Variants in BDP1 observed in about 807,000 individuals in gnomAD.
The protein encoded by BDP1 is transcription factor TFIIIB component B'' homolog.
Under a neutral mutation model 266.6 loss-of-function variants are expected in BDP1, and 169 were observed. That is an observed-to-expected ratio of 0.63 (90% CI 0.56 to 0.72). The LOEUF is 0.72. BDP1 is among the 30% of genes least tolerant of loss of function. The probability of loss-of-function intolerance (pLI) is 0.00; values close to 1 mark genes in which losing one functional copy is unlikely to be tolerated. For missense variants in BDP1, 3,015 were observed against 3,053.8 expected, an observed-to-expected ratio of 0.99 and a Z score of 0.30; for synonymous variants, 1,090 against 1,022.4, an observed-to-expected ratio of 1.07 and a Z score of -1.26.
intron 37 of BDP1, among the ~76,000 whole-genome samples, chr5:71,561,856 G>A (rs1282773736): frequency 6.6e-6 from 1 of 152,198 alleles, no homozygotes; most frequent in African/African-American, 2.4e-5. Context: ...ATGTTCTAGA[G>A]ACCGGGGTCC....
At position 71,457,708 on chromosome 5, in the gene BDP1, T is replaced by C. The variant is rs1230879575; in HGVS notation, c.213-871T>C. Among the ~76,000 whole-genome samples, 3 of 152,224 alleles carry C rather than the reference T, an allele frequency of 2.0e-5. No homozygotes were observed. The East Asian group carries it at 5.8e-4, about 29-fold the overall frequency. On this transcript the variant is annotated intron_variant, in intron 1 of 38. Coordinates refer to ENST00000358731, the MANE Select transcript of BDP1 (RefSeq NM_018429.3). ...TCAACATAATTGGGTGAAATGCAGA[T>C]AATGCATGTATCCATAACAGCTAAG...
chr5:71,524,386 TA>T (rs2150511996), intron 25 of BDP1, 63 bp downstream of exon 25: 1 of 1,429,522 alleles, frequency 7.0e-7, no homozygotes, highest in Admixed American at 2.2e-5. Flanking sequence ...TTGTTTCTTT[TA>T]GGGGATCATT....
Position 71,545,049 on chromosome 5 carries a change from C to G in BDP1, c.6574C>G (p.Gln2192Glu). The G allele has an allele frequency of 6.2e-7, 1 of 1,612,662 alleles. No individual in the cohort carries two copies. Among genetic ancestry groups the G allele is most frequent in the Non-Finnish European group, 8.5e-7 (1 of 1,179,674 alleles). The change falls in exon 32 of 39, where the codon CAA (glutamine) becomes GAA (glutamate). Residue 2192 changes from glutamine (Q) to glutamate (E), a missense_variant. By Grantham distance (29) the Gln-to-Glu change is conservative. Coordinates refer to ENST00000358731, the MANE Select transcript of BDP1 (RefSeq NM_018429.3). ...EVNLTERNEN[Q>E]EESSQEVHML... ...TAAACTCTCTTTCAGAAACGAAAAT[C>G]AAGAAGAGAGCTCTCAGGAGGTTCA...
chr5:71,514,558 T>G (rs1217584301), intron 19 of BDP1, among the ~76,000 whole-genome samples: 4 of 152,208 alleles, frequency 2.6e-5, no homozygotes, highest in Admixed American at 2.0e-4. Flanking sequence ...ATTTTTCCAC[T>G]TACAGTATTG....
chr5:71,571,252 C>G (rs1268949051), downstream of BDP1, among the ~76,000 whole-genome samples: 1 of 152,182 alleles, frequency 6.6e-6, no homozygotes, highest in Non-Finnish European at 1.5e-5. Context: ...TCAAGGGATC[C>G]TCCCGCCTTT....
intron 7 of BDP1, among the ~76,000 whole-genome samples, chr5:71,483,508 G>A (rs977302156): frequency 1.3e-5 from 2 of 152,144 alleles, no homozygotes; most frequent in Non-Finnish European, 2.9e-5. Context: ...AACCTGTTAC[G>A]AATACTTAAT....
Position 71,470,478 on chromosome 5 carries a change from A to G in BDP1, c.1003A>G (p.Ile335Val), listed in dbSNP as rs1487122673. ...ACAACTTTTTCCTCACAGAGCAAGG[A>G]TAGAAATTAAGGTAAAGTAAACCCA... ...IGQLFPHRAR[I>V]EIKNKFKREE... Residue 335 changes from isoleucine to valine, a missense_variant, in exon 7 of 39, where the codon ATA becomes GTA. Physicochemically the swap from Ile to Val is conservative, Grantham distance 29. Transcript: ENST00000358731. The G allele has an allele frequency of 6.2e-7, 1 of 1,607,878 alleles. No individual in the cohort carries two copies.
the BDP1 span, among the ~76,000 whole-genome samples, chr5:71,575,042 C>G: frequency 3.9e-5 from 6 of 152,176 alleles, no homozygotes; most frequent in African/African-American, 1.4e-4. Context: ...TGAGATTTTA[C>G]CTTGTCTTGG....
chr5:71,456,182 C>G, intron 1 of BDP1, 93 bp downstream of exon 1: 1 of 1,251,492 alleles, frequency 8.0e-7, no homozygotes, highest in East Asian at 2.5e-5. Flanking sequence ...CACAGGAGTC[C>G]GCTCTCGTTT....
In BDP1 at chr5:71,455,658, A is replaced by C. The variant is rs1761116537; in HGVS notation, c.-220A>C. 1.7e-6 allele frequency: 1 copy of C among 582,270 alleles called. No individual in the cohort carries two copies. The highest frequency in any genetic ancestry group is 3.1e-6 in the Non-Finnish European group (1 of 327,450). The allele number at this position is 582,270 out of a possible 1,614,324, so 36.1% of individuals were successfully genotyped here. A position where few individuals can be genotyped will look rare whatever the true frequency, so the allele number is the denominator to read the frequency against. On this transcript the variant is annotated 5_prime_UTR_variant, in exon 1 of 39. Coordinates refer to ENST00000358731, the MANE Select transcript of BDP1 (RefSeq NM_018429.3). The stretch of plus-strand genomic sequence containing the variant: ...GCGCGGGGATGCTGGGAGGAGGGTG[A>C]AATTTAGCCATCGGTGTGTGGCAGG...
chr5:71,461,958 C>CTTT lies in BDP1; in HGVS notation c.599+51_599+53dup, dbSNP rs370261571. The CTTT allele has an allele frequency of 0.013, 5,554 of 439,208 alleles. 9 individuals carry two copies. Among genetic ancestry groups the CTTT allele is most frequent in the Middle Eastern group, 0.02 (25 of 1,256 alleles). The allele number at this position is 439,208 out of a possible 1,614,324, so 27.2% of individuals were successfully genotyped here. On this transcript the variant is annotated intron_variant, in intron 3 of 38. Coordinates refer to ENST00000358731, the MANE Select transcript of BDP1 (RefSeq NM_018429.3). The stretch of plus-strand genomic sequence containing the variant: ...AAAATTTATTTCTGCTTTACTATCT[C>CTTT]TTTTTTTTTTTTTTTTTTTTTGGAG...
chr5:71,503,637 G>A (rs193290894), intron 15 of BDP1, among the ~76,000 whole-genome samples: 32 of 152,260 alleles, frequency 2.1e-4, no homozygotes, highest in Admixed American at 1.8e-3. Flanking sequence ...AAAGATAAAA[G>A]TTGTCATGTT....
chr5:71,561,919 A>C (rs942327322), intron 37 of BDP1, among the ~76,000 whole-genome samples: 1 of 152,034 alleles, frequency 6.6e-6, no homozygotes, highest in Non-Finnish European at 1.5e-5. Flanking sequence ...TGGTCTTCCC[A>C]CCTTAGCCTC....
At chr5:71,459,561 A>G (rs941187767) in intron 2 of BDP1, among the ~76,000 whole-genome samples, 1 of 152,214 alleles carries the variant, frequency 6.6e-6, no homozygotes, top group Non-Finnish European at 1.5e-5. Flanking sequence ...TGTTTTCTAA[A>G]TTGACTATGG....
chr5:71,522,939 A>C lies in BDP1; in HGVS notation c.5377A>C (p.Lys1793Gln). The C allele has an allele frequency of 6.3e-7, 1 of 1,581,766 alleles. No individual in the cohort carries two copies. The highest frequency in any genetic ancestry group is 8.6e-7 in the Non-Finnish European group (1 of 1,167,180). The change falls in exon 24 of 39, where the codon AAA becomes CAA. Residue 1793 changes from lysine (K) to glutamine (Q), a missense_variant. Coordinates refer to ENST00000358731, the MANE Select transcript of BDP1 (RefSeq NM_018429.3). ...AGTTGTTGAAGAGCAATATCTCAAT[A>C]AACTAACAAGGTAACATTTTATTTA... is the stretch of plus-strand genomic sequence containing the variant. ...SSVVEEQYLNKLTSCPQPLNE... is the reference protein window; with the variant it reads ...SSVVEEQYLNQLTSCPQPLNE...
chr5:71,535,198 A>T (rs531375569), intron 26 of BDP1, among the ~76,000 whole-genome samples: 1 of 151,646 alleles, frequency 6.6e-6, no homozygotes, highest in Non-Finnish European at 1.5e-5. Flanking sequence ...ATCATAAAAT[A>T]ACAATTTTTT....
At chr5:71,470,512 G>A (rs1762173830) in intron 7 of BDP1, 23 bp downstream of exon 7, 4 of 1,469,288 alleles carry the variant, frequency 2.7e-6, no homozygotes, top group Non-Finnish European at 3.8e-6. Context: ...CATCACATTT[G>A]TTGATTGGAA....
chr5:71,503,994 C>T (rs1764416352), intron 15 of BDP1, among the ~76,000 whole-genome samples: 1 of 151,584 alleles, frequency 6.6e-6, no homozygotes, highest in South Asian at 2.1e-4. Flanking sequence ...AAATTCTGAC[C>T]AGGCGCAGTG....
At chr5:71,485,265 C>A (rs1221197929) in intron 8 of BDP1, among the ~76,000 whole-genome samples, 1 of 152,090 alleles carries the variant, frequency 6.6e-6, no homozygotes, top group East Asian at 1.9e-4. Flanking sequence ...GCCTGGGCAA[C>A]ACAGCAAGAT....
Sources: gnomAD v4.1 joint callset for allele counts (sites outside exome capture counted in the v4.1 genomes callset) on GRCh38, gnomAD v4.1.1 for gene constraint, MANE v1.5 for transcripts, NCBI Gene and HGNC (gene_info 2026-07-23, HGNC 2026-07-21) for gene names.